PRIM2: variants seen among roughly 807,000 people sequenced by gnomAD.
The protein encoded by PRIM2 is DNA primase large subunit.
In PRIM2, 39 loss-of-function variants were observed where a neutral mutation model predicts 67.3. The observed-to-expected ratio is 0.58, with a 90% confidence interval of 0.45 to 0.76. PRIM2 has a LOEUF of 0.76. PRIM2 is among the 30% of genes least tolerant of loss of function. The probability of loss-of-function intolerance (pLI) is 0.00; values close to 1 mark genes in which losing one functional copy is unlikely to be tolerated. For missense variants in PRIM2, 398 were observed against 598.7 expected (o/e 0.66, Z 3.50); for synonymous variants, 143 against 198.7 (o/e 0.72, Z 2.36).
At chr6:57,295,681 A>G in the PRIM2 span, among the ~76,000 whole-genome samples, 1 of 152,172 alleles carries the variant, frequency 6.6e-6, no homozygotes, top group Non-Finnish European at 1.5e-5. Context: ...CTTGTTTTAA[A>G]TCCCTCCTGA....
chr6:57,395,844 G>A (rs1770499484), intron 7 of PRIM2, among the ~76,000 whole-genome samples: 1 of 152,052 alleles, frequency 6.6e-6, no homozygotes, highest in African/African-American at 2.4e-5. Context: ...GTATCCCAGA[G>A]GTTTTGATAG....
At chr6:57,350,505 C>G (rs1768826257) in intron 5 of PRIM2, among the ~76,000 whole-genome samples, 1 of 152,138 alleles carries the variant, frequency 6.6e-6, no homozygotes, top group East Asian at 1.9e-4. Context: ...AATCTGCAAG[C>G]CTCAAAGATA....
chr6:57,587,914 TC>T (rs1264873623), intron 10 of PRIM2, among the ~76,000 whole-genome samples: 1 of 152,166 alleles, frequency 6.6e-6, no homozygotes, highest in Non-Finnish European at 1.5e-5. Context: ...CCTCTCATTA[TC>T]AGGGAGAGCA....
chr6:57,323,187 G>A (rs966317830), intron 3 of PRIM2, among the ~76,000 whole-genome samples: 1 of 151,926 alleles, frequency 6.6e-6, no homozygotes, highest in Non-Finnish European at 1.5e-5. Context: ...TATTATTTTG[G>A]ATCCAACTGT....
chr6:57,504,824 C>G (rs1328291748), intron 7 of PRIM2, among the ~76,000 whole-genome samples: 1 of 152,130 alleles, frequency 6.6e-6, no homozygotes, highest in Non-Finnish European at 1.5e-5. Flanking sequence ...TCTTGGAAGG[C>G]TTGATAATTG....
At chr6:57,294,152 A>T in the PRIM2 span, among the ~76,000 whole-genome samples, 2 of 152,174 alleles carry the variant, frequency 1.3e-5, no homozygotes, top group Non-Finnish European at 2.9e-5. Flanking sequence ...GGAGGTCCAC[A>T]ATATGTCATG....
At chr6:57,480,368 T>C in intron 7 of PRIM2, among the ~76,000 whole-genome samples, 1 of 152,096 alleles carries the variant, frequency 6.6e-6, no homozygotes, top group Admixed American at 6.6e-5. Context: ...CTTCACCCAG[T>C]TCCCCCCAGT....
intron 3 of PRIM2, among the ~76,000 whole-genome samples, chr6:57,323,802 G>A (rs957903014): frequency 1.3e-5 from 2 of 151,972 alleles, no homozygotes; most frequent in Non-Finnish European, 1.5e-5. Flanking sequence ...AAAAAGAAAT[G>A]TTTTGGGACT....
intron 12 of PRIM2, among the ~76,000 whole-genome samples, chr6:57,613,838 T>TA (rs1193454966): frequency 6.6e-6 from 1 of 152,104 alleles, no homozygotes; most frequent in African/African-American, 2.4e-5. Flanking sequence ...TCTTTTTTTT[T>TA]ATTTATTTTT....
intron 7 of PRIM2, among the ~76,000 whole-genome samples, chr6:57,504,071 G>A (rs1774201358): frequency 6.6e-6 from 1 of 152,198 alleles, no homozygotes; most frequent in Admixed American, 6.5e-5. Context: ...AAGGCTTCTG[G>A]CCATGCCAGC....
At chr6:57,456,037 A>G (rs1313128510) in intron 7 of PRIM2, among the ~76,000 whole-genome samples, 1 of 151,942 alleles carries the variant, frequency 6.6e-6, no homozygotes, top group Non-Finnish European at 1.5e-5. Context: ...TTTCTCCTTC[A>G]CTTATGAAGC....
At chr6:57,339,230 T>C (rs1324116689) in intron 5 of PRIM2, among the ~76,000 whole-genome samples, 1 of 152,110 alleles carries the variant, frequency 6.6e-6, no homozygotes, top group African/African-American at 2.4e-5. Flanking sequence ...GGAAGAACAT[T>C]CCATGCTCAT....
At chr6:57,326,126 T>C (rs556465028) in intron 5 of PRIM2, 81 bp downstream of exon 5, 59 of 1,475,752 alleles carry the variant, frequency 4.0e-5, no homozygotes, top group Non-Finnish European at 5.2e-5. Context: ...TACTAATGTG[T>C]AGTGTGTTCT....
chr6:57,373,935 T>G (rs1254072880), intron 5 of PRIM2, among the ~76,000 whole-genome samples: 3 of 152,134 alleles, frequency 2.0e-5, no homozygotes, highest in African/African-American at 7.2e-5. Flanking sequence ...TTGGGCTCCT[T>G]TTTGGTTCCA....
intron 7 of PRIM2, among the ~76,000 whole-genome samples, chr6:57,447,902 C>T (rs1581913786): frequency 1.3e-5 from 2 of 152,162 alleles, no homozygotes; most frequent in Non-Finnish European, 2.9e-5. Context: ...ATTTGGGATG[C>T]ATAACCTTTT....
At chr6:57,291,073 G>T in the PRIM2 span, among the ~76,000 whole-genome samples, 1 of 152,050 alleles carries the variant, frequency 6.6e-6, no homozygotes, top group Admixed American at 6.5e-5. Context: ...GCTGGTTTTT[G>T]AAAAGATCAA....
intron 7 of PRIM2, among the ~76,000 whole-genome samples, chr6:57,419,646 C>G (rs1435312670): frequency 6.6e-6 from 1 of 151,906 alleles, no homozygotes; most frequent in Non-Finnish European, 1.5e-5. Flanking sequence ...TTACCAGACT[C>G]TGGTATGATT....
intron 7 of PRIM2, among the ~76,000 whole-genome samples, chr6:57,488,931 A>G (rs1422122132): frequency 0.013 from 1,961 of 152,308 alleles, 39 homozygotes; most frequent in African/African-American, 0.045. Context: ...TATGATGCAC[A>G]TGCTTAAACA....
chr6:57,427,702 T>G (rs1339546861), intron 7 of PRIM2, among the ~76,000 whole-genome samples: 2 of 152,130 alleles, frequency 1.3e-5, no homozygotes, highest in Non-Finnish European at 1.5e-5. Context: ...TGGGGGGAGA[T>G]TGTTGTTTAT....
Sources: allele counts gnomAD v4.1 joint callset (sites outside exome capture counted in the v4.1 genomes callset), GRCh38; gene constraint gnomAD v4.1.1; transcripts MANE v1.5; gene names NCBI Gene and HGNC (gene_info 2026-07-23, HGNC 2026-07-21).